The following FAT2 variants were observed in gnomAD, a reference collection of about 807,000 sequenced individuals.
FAT2 encodes the protein protocadherin Fat 2.
In FAT2, 150 loss-of-function variants were observed where a neutral mutation model predicts 295.3. The ratio of observed to expected loss-of-function variants is 0.51; its 90% CI spans 0.44 to 0.58. The LOEUF (loss-of-function observed/expected upper bound fraction) is 0.58, where lower values mean the gene tolerates loss of function less well. FAT2 is among the 20% of genes least tolerant of loss of function. The probability of loss-of-function intolerance (pLI) is 0.00; values close to 1 mark genes in which losing one functional copy is unlikely to be tolerated. For missense variants in FAT2, 4,868 were observed against 5,442.7 expected, an observed-to-expected ratio of 0.89 and a Z score of 3.32; for synonymous variants, 2,026 against 2,150.3, an observed-to-expected ratio of 0.94 and a Z score of 1.60.
chr5:151,556,550 G>T, intron 3 of FAT2, 148 bp from the exon 4 acceptor site: 2 of 615,818 alleles, frequency 3.2e-6, no homozygotes, highest in Middle Eastern at 4.0e-4. Context: ...ACTTAGGATA[G>T]TTCAACTTAA....
In FAT2 at chr5:151,553,191, C is replaced by T. The variant is rs780504827; in HGVS notation, c.4142G>A (p.Trp1381Ter). 6.2e-7 allele frequency: 1 copy of T among 1,614,252 alleles called. No individual in the cohort carries two copies. Among genetic ancestry groups the T allele is most frequent in the East Asian group, 2.2e-5 (1 of 44,886 alleles). ...CCTTGCCTCACCTGAGATGTTGAAC[C>T]AGAAGAGTCCGGGTCTGCCCTCTAC... ...ISVEGRPGLF[W>*]FNISGGDKDM... Residue 1381 changes from tryptophan to a stop codon, truncating the protein, a stop_gained, in exon 6 of 24, where the codon TGG becomes TAG. Transcript: ENST00000261800. LOFTEE classifies it high-confidence loss of function.
In FAT2 at chr5:151,505,434, G is replaced by C. The variant is rs1760761045; in HGVS notation, c.*131C>G. 9.0e-7 allele frequency: 1 copy of C among 1,115,274 alleles called. No homozygotes were observed. Among genetic ancestry groups the C allele is most frequent in the Admixed American group, 2.6e-5 (1 of 37,834 alleles). The allele number at this position is 1,115,274 out of a possible 1,614,324, so 69.1% of individuals were successfully genotyped here. A position where few individuals can be genotyped will look rare whatever the true frequency, so the allele number is the denominator to read the frequency against. On this transcript the variant is annotated 3_prime_UTR_variant, in exon 24 of 24. Coordinates refer to ENST00000261800, the MANE Select transcript of FAT2 (RefSeq NM_001447.3). ...GGGGATTGGAAGAGCACATTTCAAG[G>C]GACAACAGCCTGGGCTGAGGGCTTC...
At chr5:151,592,858 G>A (rs545535166), upstream of FAT2, among the ~76,000 whole-genome samples, 18 of 152,310 alleles carry the variant, frequency 1.2e-4, no homozygotes, top group Admixed American at 3.3e-4. Context: ...TTCTGGTCTT[G>A]TTGCTTATAC....
chr5:151,507,732 C>A, intron 22 of FAT2, 121 bp from the exon 23 acceptor site: 7 of 903,294 alleles, frequency 7.7e-6, no homozygotes, highest in South Asian at 3.6e-5. Flanking sequence ...CGTTTTTCAC[C>A]CCCCAAAAAA....
intron 1 of FAT2, among the ~76,000 whole-genome samples, chr5:151,576,096 G>A (rs749105009): frequency 1.4e-4 from 21 of 152,040 alleles, no homozygotes; most frequent in Non-Finnish European, 2.1e-4. Flanking sequence ...CAGGACCCAG[G>A]ACTACACATA....
At position 151,507,597 on chromosome 5, in the gene FAT2, G is replaced by A. The variant is rs538316910; in HGVS notation, c.12074C>T (p.Ala4025Val). 62 of 1,599,654 alleles carry A rather than the reference G, an allele frequency of 3.9e-5. 2 individuals are homozygous for A. The Admixed American group carries it at 6.5e-4, about 17-fold the overall frequency. ...GCAGTGTCCTTCTGAACAACCCCTC[G>A]CCTCCATTTCACACCTGCGGAGACA... Reference protein sequence around the residue: ...PYTGDRCEMEARGCSEGHCLV... With the variant: ...PYTGDRCEMEVRGCSEGHCLV... Residue 4025 changes from alanine to valine, a missense_variant, in exon 23 of 24, where the codon GCG becomes GTG. Around this residue, in one of 5 missense-constraint regions of FAT2, gnomAD observed 492 missense variants for 482.6 expected, o/e 1.02. Coordinates refer to ENST00000261800, the MANE Select transcript of FAT2 (RefSeq NM_001447.3).
intron 1 of FAT2, among the ~76,000 whole-genome samples, chr5:151,578,904 C>T (rs1758842174): frequency 6.6e-6 from 1 of 152,208 alleles, no homozygotes; most frequent in Non-Finnish European, 1.5e-5. Context: ...TTAGAATCCA[C>T]ATATACTCAC....
intron 12 of FAT2, among the ~76,000 whole-genome samples, chr5:151,536,857 G>C (rs1389339015): frequency 6.6e-6 from 1 of 152,214 alleles, no homozygotes; most frequent in Non-Finnish European, 1.5e-5. Flanking sequence ...ATTTGGCTCT[G>C]CCCACCCTGG....
intron 1 of FAT2, among the ~76,000 whole-genome samples, chr5:151,585,622 A>G (rs1379994789): frequency 6.6e-6 from 1 of 152,000 alleles, no homozygotes; most frequent in Admixed American, 6.6e-5. Flanking sequence ...AAGGAAAAAA[A>G]TATATATATA....
intron 1 of FAT2, among the ~76,000 whole-genome samples, chr5:151,571,815 A>G (rs554628524): frequency 2.6e-5 from 4 of 152,344 alleles, no homozygotes; most frequent in South Asian, 2.1e-4. Flanking sequence ...ACGTACATCA[A>G]TTCATATGAC....
chr5:151,586,279 T>C (rs1253673618), intron 1 of FAT2, among the ~76,000 whole-genome samples: 1 of 152,246 alleles, frequency 6.6e-6, no homozygotes, highest in Non-Finnish European at 1.5e-5. Context: ...CTGCGGGCAC[T>C]GGAGCCAAAT....
Position 151,544,564 on chromosome 5 carries a change from G to A in FAT2, c.6563C>T (p.Thr2188Ile), listed in dbSNP as rs2127610098. Residue 2188 changes from threonine (T) to isoleucine (I), a missense_variant, in exon 10 of 24, where the codon ACC (threonine) becomes ATC (isoleucine). This residue lies in a region of FAT2 where 3,297 missense variants were observed against 3,669.4 expected (regional missense o/e 0.90). Transcript: ENST00000261800. Reference sequence around the variant, plus strand: ...CCGGGCCTGGGTGTGGAGAATTGGGGTATAGAGGGTGATATTTTCAGGTAC... The same window carrying A: ...CCGGGCCTGGGTGTGGAGAATTGGGATATAGAGGGTGATATTTTCAGGTAC... ...VRVPENITLYTPILHTQARSP... is the reference protein window; with the variant it reads ...VRVPENITLYIPILHTQARSP... 1 of 1,614,076 alleles carries A rather than the reference G, an allele frequency of 6.2e-7. No individual in the cohort carries two copies. Among genetic ancestry groups the A allele is most frequent in the Non-Finnish European group, 8.5e-7 (1 of 1,179,982 alleles).
chr5:151,557,871 G>GCTA (rs1329410426), intron 3 of FAT2, among the ~76,000 whole-genome samples: 1 of 152,082 alleles, frequency 6.6e-6, no homozygotes, highest in Non-Finnish European at 1.5e-5. Context: ...CAGGAAGGAC[G>GCTA]CTACCTCCTG....
rs1758337925 is a variant in FAT2, at chr5:151,567,597, G to C, written c.1335C>G (p.Val445=). The change falls in exon 2 of 24, where the codon GTC becomes GTG. Residue 445 remains valine (V), a synonymous_variant. Transcript: ENST00000261800. ...TSPGQASTVV[V]IDIVDCNNHA... Reference sequence around the variant, plus strand: ...GGTTGTTGCAGTCCACAATGTCAATGACCACCACGGTGGAGGCCTGGCCCG... The same window carrying C: ...GGTTGTTGCAGTCCACAATGTCAATCACCACCACGGTGGAGGCCTGGCCCG... 7 of 1,614,176 alleles carry C rather than the reference G, an allele frequency of 4.3e-6. No homozygotes were observed. In the East Asian group the frequency reaches 1.6e-4, roughly 36 times the overall value.
chr5:151,570,602 A>G (rs1758482500), intron 1 of FAT2, among the ~76,000 whole-genome samples: 2 of 152,196 alleles, frequency 1.3e-5, no homozygotes, highest in Non-Finnish European at 2.9e-5. Context: ...AAGGGGCAGG[A>G]GGAGCGGGGC....
chr5:151,563,739 G>T, intron 2 of FAT2, 100 bp from the exon 3 acceptor site: 1 of 856,840 alleles, frequency 1.2e-6, no homozygotes, highest in Non-Finnish European at 1.8e-6. Flanking sequence ...TGTGGAAAGG[G>T]TATTAATAAG....
chr5:151,524,047 C>T (rs1011870662), intron 18 of FAT2, among the ~76,000 whole-genome samples: 4 of 152,122 alleles, frequency 2.6e-5, no homozygotes, highest in Non-Finnish European at 5.9e-5. Context: ...TCCATCACTC[C>T]GTGGTCTCAG....
intron 21 of FAT2, chr5:151,511,244 G>A (rs915405970): frequency 6.6e-6 from 1 of 152,136 alleles, no homozygotes; most frequent in Non-Finnish European, 1.5e-5. Context: ...CAGAAAAAGG[G>A]GTAATGCGAA....
At chr5:151,565,362 G>A (rs906026717) in intron 2 of FAT2, among the ~76,000 whole-genome samples, 1 of 151,982 alleles carries the variant, frequency 6.6e-6, no homozygotes, top group African/African-American at 2.4e-5. Flanking sequence ...TATATCTGGG[G>A]TGATGGAACA....
Sources: gnomAD v4.1 joint callset for allele counts (sites outside exome capture counted in the v4.1 genomes callset) on GRCh38, gnomAD v4.1.1 for gene constraint, gnomAD v4.1.1 regional missense constraint, MANE v1.5 for transcripts, NCBI Gene and HGNC (gene_info 2026-07-23, HGNC 2026-07-21) for gene names.